The following ASIC2 variants were observed in gnomAD, a reference collection of about 807,000 sequenced individuals.
ASIC2 encodes the protein acid sensing ion channel subunit 2, also known as acid-sensing ion channel 2.
In ASIC2, 25 loss-of-function variants were observed where a neutral mutation model predicts 57.3. The observed-to-expected ratio is 0.44, with a 90% CI of 0.32 to 0.61. ASIC2 has a LOEUF of 0.61. ASIC2 is among the 20% of genes least tolerant of loss of function. The probability of loss-of-function intolerance (pLI) is 0.06; values close to 1 mark genes in which losing one functional copy is unlikely to be tolerated. For synonymous variants in ASIC2, 319 were observed against 307.5 expected, an observed-to-expected ratio of 1.04 and a Z score of -0.39; for missense variants, 641 against 738.1, an observed-to-expected ratio of 0.87 and a Z score of 1.52.
chr17:33,949,220 C>G (rs1016845177), intron 1 of ASIC2, among the ~76,000 whole-genome samples: 15 of 152,126 alleles, frequency 9.9e-5, no homozygotes, highest in African/African-American at 3.1e-4. Flanking sequence ...TTTGTGGACA[C>G]AAAGTGATTG....
chr17:33,923,667 T>C (rs1915758560), intron 1 of ASIC2, among the ~76,000 whole-genome samples: 1 of 152,108 alleles, frequency 6.6e-6, no homozygotes, highest in Non-Finnish European at 1.5e-5. Context: ...GGGCTCAGGG[T>C]TCAGGGATCA....
At chr17:33,853,266 T>C (rs1418061877) in intron 1 of ASIC2, among the ~76,000 whole-genome samples, 2 of 152,164 alleles carry the variant, frequency 1.3e-5, no homozygotes, top group Non-Finnish European at 2.9e-5. Flanking sequence ...AGAGGACCTC[T>C]GTGTAGAGAT....
intron 1 of ASIC2, among the ~76,000 whole-genome samples, chr17:33,924,671 T>A (rs1303732766): frequency 1.3e-5 from 2 of 152,288 alleles, no homozygotes; most frequent in African/African-American, 4.8e-5. Context: ...TATGGGAATT[T>A]TTGATTTAAT....
intron 1 of ASIC2, among the ~76,000 whole-genome samples, chr17:33,307,097 C>T (rs182219711): frequency 3.0e-4 from 46 of 152,288 alleles, no homozygotes; most frequent in Middle Eastern, 6.8e-3. Context: ...GACTTCCTAC[C>T]CTACAAACGC....
intron 1 of ASIC2, among the ~76,000 whole-genome samples, chr17:33,246,525 G>A (rs1438871632): frequency 6.6e-6 from 1 of 152,190 alleles, no homozygotes; most frequent in Non-Finnish European, 1.5e-5. Flanking sequence ...AGAAAGAATG[G>A]GGTCGGGGAA....
chr17:33,973,322 G>A (rs1464632979), intron 1 of ASIC2, among the ~76,000 whole-genome samples: 1 of 152,228 alleles, frequency 6.6e-6, no homozygotes, highest in African/African-American at 2.4e-5. Flanking sequence ...GACATCAACA[G>A]AGGGGCTGTG....
chr17:34,110,470 T>C (rs1234819871), intron 1 of ASIC2, among the ~76,000 whole-genome samples: 1 of 152,196 alleles, frequency 6.6e-6, no homozygotes, highest in Non-Finnish European at 1.5e-5. Flanking sequence ...GGATTGATCA[T>C]TAGCCTGGGA....
intron 1 of ASIC2, among the ~76,000 whole-genome samples, chr17:33,675,216 C>T (rs1165069657): frequency 2.6e-5 from 4 of 152,188 alleles, no homozygotes; most frequent in Non-Finnish European, 5.9e-5. Flanking sequence ...CTCTTTTCAC[C>T]TGTCATGCTC....
At chr17:33,061,947 G>C (rs575463698) in intron 3 of ASIC2, among the ~76,000 whole-genome samples, 1 of 152,112 alleles carries the variant, frequency 6.6e-6, no homozygotes, top group Non-Finnish European at 1.5e-5. Flanking sequence ...GTTTATTTGC[G>C]TAGAGGTGTT....
chr17:33,409,169 C>A (rs1910569801), intron 1 of ASIC2, among the ~76,000 whole-genome samples: 1 of 152,156 alleles, frequency 6.6e-6, no homozygotes, highest in Non-Finnish European at 1.5e-5. Flanking sequence ...GAGCCGAAAT[C>A]ATGCCACTGC....
intron 1 of ASIC2, among the ~76,000 whole-genome samples, chr17:33,307,272 T>TC (rs1469091252): frequency 8.4e-5 from 8 of 95,016 alleles, no homozygotes; most frequent in African/African-American, 1.2e-4. Flanking sequence ...TTCCTCCTCC[T>TC]CTTCCTTCTT....
At chr17:33,081,262 A>G (rs994607862) in intron 3 of ASIC2, among the ~76,000 whole-genome samples, 2 of 152,126 alleles carry the variant, frequency 1.3e-5, no homozygotes, top group Non-Finnish European at 2.9e-5. Context: ...TGAAAACTTG[A>G]CTCTTGGCAA....
At chr17:33,772,840 T>C (rs1597870155) in intron 1 of ASIC2, among the ~76,000 whole-genome samples, 1 of 152,162 alleles carries the variant, frequency 6.6e-6, no homozygotes, top group South Asian at 2.1e-4. Flanking sequence ...ACTGGCTGTG[T>C]GGTCTTGTTG....
intron 1 of ASIC2, among the ~76,000 whole-genome samples, chr17:34,085,052 G>A (rs57985722): frequency 2.0e-5 from 3 of 151,966 alleles, no homozygotes; most frequent in South Asian, 4.2e-4. Context: ...CCTAATTGCC[G>A]TGGCCAGAAC....
chr17:33,085,034 CTT>C (rs1347415004), intron 3 of ASIC2, among the ~76,000 whole-genome samples: 3 of 152,180 alleles, frequency 2.0e-5, no homozygotes, highest in Non-Finnish European at 4.4e-5. Context: ...TGCAGAAAGA[CTT>C]TCCCATTTAT....
intron 1 of ASIC2, among the ~76,000 whole-genome samples, chr17:33,868,581 A>G (rs1914307243): frequency 6.6e-6 from 1 of 152,182 alleles, no homozygotes; most frequent in Non-Finnish European, 1.5e-5. Context: ...AAGTACAAGG[A>G]ACAAAAGAAA....
At chr17:33,760,475 T>C (rs1012894557) in intron 1 of ASIC2, among the ~76,000 whole-genome samples, 11 of 152,050 alleles carry the variant, frequency 7.2e-5, no homozygotes, top group African/African-American at 2.7e-4. Context: ...TGTGTGTATA[T>C]ATATAAAGCT....
At chr17:33,524,448 C>T (rs1914829821) in intron 1 of ASIC2, among the ~76,000 whole-genome samples, 2 of 152,074 alleles carry the variant, frequency 1.3e-5, no homozygotes, top group African/African-American at 4.8e-5. Flanking sequence ...ATGAGTTCTC[C>T]CCATACAGGT....
intron 1 of ASIC2, among the ~76,000 whole-genome samples, chr17:33,447,911 T>TC (rs1912086926): frequency 1.3e-5 from 1 of 78,274 alleles, no homozygotes; most frequent in Non-Finnish European, 2.2e-5. Flanking sequence ...AGACTCAGTC[T>TC]CAAAAAAAAA....
Sources: allele counts gnomAD v4.1 joint callset (sites outside exome capture counted in the v4.1 genomes callset), GRCh38; gene constraint gnomAD v4.1.1; transcripts MANE v1.5; gene names NCBI Gene and HGNC (gene_info 2026-07-23, HGNC 2026-07-21).